Variants in C8orf34 observed in about 807,000 individuals in gnomAD.
C8orf34 encodes chromosome 8 open reading frame 34, also known as uncharacterized protein C8orf34.
A neutral mutation model predicts 68.3 loss-of-function variants in C8orf34; 65 were observed. That is an observed-to-expected ratio of 0.95 (90% CI 0.78 to 1.17). C8orf34 has a LOEUF of 1.17. C8orf34 is among the 50% of genes most tolerant of loss of function. The pLI is 0.00. For synonymous variants in C8orf34, 244 were observed against 241.2 expected, an observed-to-expected ratio of 1.01 and a Z score of -0.11; for missense variants, 664 against 655.4, an observed-to-expected ratio of 1.01 and a Z score of -0.14.
chr8:68,435,756 T>A (rs921643274), intron 1 of C8orf34, among the ~76,000 whole-genome samples: 4 of 152,222 alleles, frequency 2.6e-5, no homozygotes, highest in African/African-American at 9.6e-5. Context: ...AGGGTGTTAG[T>A]CCATCACAGA....
At chr8:68,492,609 A>G (rs1207848013) in intron 5 of C8orf34, among the ~76,000 whole-genome samples, 2 of 151,746 alleles carry the variant, frequency 1.3e-5, no homozygotes, top group Non-Finnish European at 2.9e-5. Flanking sequence ...TCTTTTTTCC[A>G]TCCAAACTGT....
intron 6 of C8orf34, among the ~76,000 whole-genome samples, chr8:68,532,499 A>AG (rs1815291671): frequency 6.6e-6 from 1 of 152,180 alleles, no homozygotes. Context: ...CAATTCAATG[A>AG]GGGAGAGAAT....
intron 12 of C8orf34, among the ~76,000 whole-genome samples, chr8:68,800,951 A>G (rs1012857264): frequency 2.0e-5 from 3 of 152,214 alleles, no homozygotes; most frequent in African/African-American, 7.2e-5. Context: ...GCATATGCAG[A>G]GGAGGGATAT....
chr8:68,647,450 T>C (rs1819212154), intron 8 of C8orf34, among the ~76,000 whole-genome samples: 1 of 152,192 alleles, frequency 6.6e-6, no homozygotes, highest in Non-Finnish European at 1.5e-5. Flanking sequence ...TGGGTATATA[T>C]TTAAAGGAAT....
intron 10 of C8orf34, among the ~76,000 whole-genome samples, chr8:68,728,346 A>G (rs1821890028): frequency 6.6e-6 from 1 of 152,206 alleles, no homozygotes; most frequent in South Asian, 2.1e-4. Context: ...CCATTCAACA[A>G]GTGTCTAGAA....
intron 12 of C8orf34, among the ~76,000 whole-genome samples, chr8:68,804,741 G>A (rs1408906236): frequency 6.6e-6 from 1 of 151,842 alleles, no homozygotes. Flanking sequence ...ATTGCACCAG[G>A]GCACTCCAGC....
chr8:68,786,709 G>T (rs995959447), intron 11 of C8orf34, among the ~76,000 whole-genome samples: 1 of 152,170 alleles, frequency 6.6e-6, no homozygotes, highest in Non-Finnish European at 1.5e-5. Flanking sequence ...TATGGATCAT[G>T]CAGGGCTTTG....
intron 4 of C8orf34, among the ~76,000 whole-genome samples, chr8:68,475,434 T>C (rs1017898735): frequency 2.0e-5 from 3 of 152,208 alleles, no homozygotes; most frequent in African/African-American, 7.2e-5. Flanking sequence ...AACTTGGTTA[T>C]GGTTTGCTTG....
At chr8:68,493,459 C>CA in intron 5 of C8orf34, among the ~76,000 whole-genome samples, 1 of 151,990 alleles carries the variant, frequency 6.6e-6, no homozygotes, top group South Asian at 2.1e-4. Flanking sequence ...TATCAGAAAA[C>CA]AAACAAACAA....
chr8:68,674,712 G>T (rs1023989326), intron 8 of C8orf34, among the ~76,000 whole-genome samples: 1 of 152,014 alleles, frequency 6.6e-6, no homozygotes, highest in African/African-American at 2.4e-5. Flanking sequence ...GTAGAGAGAG[G>T]TAGAAAGTTT....
intron 1 of C8orf34, among the ~76,000 whole-genome samples, chr8:68,415,548 GCAGTAGTTT>G (rs1790938313): frequency 6.6e-6 from 1 of 152,154 alleles, no homozygotes; most frequent in African/African-American, 2.4e-5. Context: ...GAGATTGCAT[GCAGTAGTTT>G]CTGAAATCCA....
At chr8:68,505,865 T>A (rs1813997688) in intron 5 of C8orf34, among the ~76,000 whole-genome samples, 1 of 152,166 alleles carries the variant, frequency 6.6e-6, no homozygotes, top group Non-Finnish European at 1.5e-5. Context: ...CTAGTTGGAA[T>A]TCAATTAATC....
chr8:68,674,056 A>G (rs1391317534), intron 8 of C8orf34, among the ~76,000 whole-genome samples: 2 of 152,220 alleles, frequency 1.3e-5, no homozygotes, highest in African/African-American at 2.4e-5. Context: ...TGAGTCTGCA[A>G]GAGCTGCAGT....
chr8:68,586,049 A>G (rs1817200821), intron 7 of C8orf34, among the ~76,000 whole-genome samples: 1 of 152,140 alleles, frequency 6.6e-6, no homozygotes, highest in African/African-American at 2.4e-5. Context: ...AATACAAAGT[A>G]TAATAGTAAG....
At chr8:68,741,999 A>G (rs1306709009) in intron 10 of C8orf34, among the ~76,000 whole-genome samples, 1 of 152,166 alleles carries the variant, frequency 6.6e-6, no homozygotes, top group East Asian at 1.9e-4. Context: ...AAGTTTTTCT[A>G]CCATACCTTC....
At chr8:68,465,601 C>A (rs1812082782) in intron 3 of C8orf34, among the ~76,000 whole-genome samples, 1 of 152,122 alleles carries the variant, frequency 6.6e-6, no homozygotes, top group Non-Finnish European at 1.5e-5. Context: ...CACATACACA[C>A]CATGGAATAC....
At chr8:68,476,397 T>A (rs1015006053) in intron 4 of C8orf34, among the ~76,000 whole-genome samples, 1 of 151,832 alleles carries the variant, frequency 6.6e-6, no homozygotes, top group Non-Finnish European at 1.5e-5. Context: ...AGGAGGAGAG[T>A]CAAGATGTGT....
chr8:68,535,830 A>G, intron 7 of C8orf34: 1 of 977,290 alleles, frequency 1.0e-6, no homozygotes, highest in Non-Finnish European at 1.2e-6. Context: ...AAACTTGTGA[A>G]TTTTTAAGAT....
chr8:68,458,723 G>A (rs866356281), intron 3 of C8orf34, among the ~76,000 whole-genome samples: 3 of 152,114 alleles, frequency 2.0e-5, no homozygotes, highest in Non-Finnish European at 2.9e-5. Context: ...GTGAGGTAGC[G>A]GTCATGGGCC....
Sources: allele counts gnomAD v4.1 joint callset (sites outside exome capture counted in the v4.1 genomes callset), GRCh38; gene constraint gnomAD v4.1.1; transcripts MANE v1.5; gene names NCBI Gene and HGNC (gene_info 2026-07-23, HGNC 2026-07-21).